LPP: variants seen among roughly 807,000 people sequenced by gnomAD.
The protein encoded by LPP is lipoma-preferred partner.
A neutral mutation model predicts 60.4 loss-of-function variants in LPP; 38 were observed. That is an observed-to-expected ratio of 0.63 (90% confidence interval 0.49 to 0.83). The LOEUF (loss-of-function observed/expected upper bound fraction) is 0.83. Ranked by LOEUF, LPP falls within the 40% of genes least tolerant of loss-of-function variation. The pLI, the probability that LPP is intolerant of heterozygous loss-of-function variation, is 0.00. For synonymous variants in LPP, 328 were observed against 290.8 expected, an observed-to-expected ratio of 1.13 and a Z score of -1.30; for missense variants, 902 against 783.6, an observed-to-expected ratio of 1.15 and a Z score of -1.80.
intron 6 of LPP, among the ~76,000 whole-genome samples, chr3:188,599,754 GT>G (rs1840723109): frequency 7.2e-5 from 10 of 138,430 alleles, no homozygotes; most frequent in Admixed American, 3.5e-4. Flanking sequence ...CGTTAGGGGT[GT>G]GTGTGTGTGT....
At chr3:188,662,984 G>A (rs57827828) in intron 7 of LPP, among the ~76,000 whole-genome samples, 7,248 of 152,302 alleles carry the variant, frequency 0.048, 446 homozygotes, top group African/African-American at 0.14. Flanking sequence ...AGAATAGTAT[G>A]TTATCTGAAT....
chr3:188,775,619 G>A (rs1737497586), intron 9 of LPP, among the ~76,000 whole-genome samples: 1 of 152,194 alleles, frequency 6.6e-6, no homozygotes, highest in Non-Finnish European at 1.5e-5. Flanking sequence ...ACTGACCTGA[G>A]TCTGGCTGGG....
chr3:188,174,280 A>G (rs957744904), intron 1 of LPP, among the ~76,000 whole-genome samples: 1 of 152,240 alleles, frequency 6.6e-6, no homozygotes, highest in African/African-American at 2.4e-5. Context: ...CTTTTATCAT[A>G]CAATACTACA....
intron 7 of LPP, among the ~76,000 whole-genome samples, chr3:188,617,845 G>A (rs919770690): frequency 2.0e-5 from 3 of 151,954 alleles, no homozygotes; most frequent in Non-Finnish European, 2.9e-5. Context: ...TTTTTTCTTT[G>A]TTTTGTTTTA....
chr3:188,740,960 G>A (rs1409740294), intron 8 of LPP, among the ~76,000 whole-genome samples: 4 of 151,772 alleles, frequency 2.6e-5, no homozygotes, highest in East Asian at 1.9e-4. Context: ...GCAAATTTGA[G>A]GCAAAAACAT....
intron 9 of LPP, among the ~76,000 whole-genome samples, chr3:188,793,493 A>G: frequency 6.6e-6 from 1 of 152,016 alleles, no homozygotes; most frequent in East Asian, 1.9e-4. Context: ...CTTTCTCATT[A>G]TACTGATAGC....
At position 188,609,085 on chromosome 3, in the gene LPP, AT is replaced by A. The variant is rs1441312139; in HGVS notation, c.430-73del. ...TAATTAGCAGTTATTAATATTTTTCATTTATTCATTTTTATTGAGTTTCGTT... is the reference window on the plus strand; with the variant it reads ...TAATTAGCAGTTATTAATATTTTTCATTATTCATTTTTATTGAGTTTCGTT... On this transcript the variant is annotated intron_variant, in intron 6 of 11. Coordinates refer to ENST00000617246, the MANE Select transcript of LPP (RefSeq NM_001375462.1). The surrounding 1 kb of genome is among the most constrained non-coding windows in gnomAD (Gnocchi z 6.9). The A allele has an allele frequency of 2.7e-5, 29 of 1,056,370 alleles. No individual in the cohort carries two copies. The African/African-American group carries it at 3.9e-4, about 14-fold the overall frequency. The allele number at this position is 1,056,370 out of a possible 1,614,324, so 65.4% of individuals were successfully genotyped here.
chr3:188,549,475 G>T (rs1327510185), intron 6 of LPP, among the ~76,000 whole-genome samples: 1 of 152,182 alleles, frequency 6.6e-6, no homozygotes, highest in Non-Finnish European at 1.5e-5. Flanking sequence ...TAGCATGACT[G>T]ATAGTTCAGT....
intron 2 of LPP, among the ~76,000 whole-genome samples, chr3:188,242,121 G>T (rs538021146): frequency 6.6e-6 from 1 of 152,268 alleles, no homozygotes; most frequent in Non-Finnish European, 1.5e-5. Context: ...GTTGGGTAAT[G>T]TTTAAGGAAT....
Position 188,326,206 on chromosome 3 carries a change from C to A in LPP, c.-66-15457C>A, listed in dbSNP as rs143155443. Among the ~76,000 whole-genome samples the A allele has an allele frequency of 5.9e-3, 897 of 152,280 alleles. 10 individuals are homozygous for A. The highest frequency in any genetic ancestry group is 0.021 in the African/African-American group (870 of 41,538). On this transcript the variant is annotated intron_variant, in intron 2 of 11. Transcript: ENST00000617246. ...TGGTTGGAAATACCAGGTCTTCCGA[C>A]TTTTACGTTCTTTGTGCGCACGCTG...
At chr3:188,215,348 A>G (rs1231451522) in intron 1 of LPP, among the ~76,000 whole-genome samples, 1 of 152,052 alleles carries the variant, frequency 6.6e-6, no homozygotes, top group Non-Finnish European at 1.5e-5. Context: ...GCAGTGTTAA[A>G]TACATTCATA....
chr3:188,776,903 TTTA>T (rs1329786468), intron 9 of LPP, among the ~76,000 whole-genome samples: 1 of 152,172 alleles, frequency 6.6e-6, no homozygotes, highest in African/African-American at 2.4e-5. Flanking sequence ...TAACAGTCAG[TTTA>T]TTATTTGACA....
intron 2 of LPP, among the ~76,000 whole-genome samples, chr3:188,225,959 C>G (rs755935815): frequency 6.6e-6 from 1 of 152,200 alleles, no homozygotes; most frequent in South Asian, 2.1e-4. Context: ...TTGAGTGTCT[C>G]TTGTTTGCCC....
At chr3:188,681,029 G>A (rs376166241) in intron 7 of LPP, among the ~76,000 whole-genome samples, 23 of 133,436 alleles carry the variant, frequency 1.7e-4, no homozygotes, top group Middle Eastern at 3.9e-3. Context: ...ACAGAGTCTC[G>A]CCCTGTCACC....
intron 4 of LPP, among the ~76,000 whole-genome samples, chr3:188,462,169 A>C (rs527342213): frequency 2.6e-5 from 4 of 152,150 alleles, no homozygotes; most frequent in Non-Finnish European, 5.9e-5. Context: ...GTAGTCAGTC[A>C]CTGTGCTAAA....
intron 6 of LPP, among the ~76,000 whole-genome samples, chr3:188,605,859 A>C (rs1842284855): frequency 6.6e-6 from 1 of 152,186 alleles, no homozygotes; most frequent in Admixed American, 6.6e-5. Context: ...CATTTGGTTA[A>C]CATTTTACTT....
intron 1 of LPP, among the ~76,000 whole-genome samples, chr3:188,193,732 G>A (rs189707354): frequency 1.5e-4 from 23 of 152,262 alleles, no homozygotes; most frequent in African/African-American, 5.3e-4. Context: ...TTGAGAAATA[G>A]CAAGTAGAAG....
chr3:188,306,114 T>C (rs1231286411), intron 2 of LPP, among the ~76,000 whole-genome samples: 1 of 152,208 alleles, frequency 6.6e-6, no homozygotes, highest in African/African-American at 2.4e-5. Context: ...GTAGTCTCAC[T>C]CTTTCACCTA....
intron 8 of LPP, among the ~76,000 whole-genome samples, chr3:188,735,599 G>T (rs1392013375): frequency 6.6e-6 from 1 of 151,938 alleles, no homozygotes; most frequent in Admixed American, 6.6e-5. Context: ...GGCTAGGCTG[G>T]TCTTGAACTC....
Sources: gnomAD v4.1 joint callset for allele counts (sites outside exome capture counted in the v4.1 genomes callset) on GRCh38, gnomAD v4.1.1 for gene constraint, Gnocchi (gnomAD v3.1) non-coding constraint, MANE v1.5 for transcripts, NCBI Gene and HGNC (gene_info 2026-07-23, HGNC 2026-07-21) for gene names.